ELMO1: variants seen among roughly 807,000 people sequenced by gnomAD.
ELMO1 encodes engulfment and cell motility protein 1.
A neutral mutation model predicts 98.9 loss-of-function variants in ELMO1; 26 were observed. The observed-to-expected ratio is 0.26, with a 90% CI of 0.19 to 0.36. ELMO1 has a LOEUF of 0.36. Among genes scored for constraint, ELMO1 ranks in the 10% least tolerant of loss-of-function variants. The probability of loss-of-function intolerance (pLI) is 1.00; values close to 1 mark genes in which losing one functional copy is unlikely to be tolerated. For synonymous variants in ELMO1, 346 were observed against 346.0 expected (o/e 1.00, Z 0.00); for missense variants, 627 against 935.2 (o/e 0.67, Z 4.30).
At chr7:37,369,953 C>A (rs1802051851) in intron 1 of ELMO1, among the ~76,000 whole-genome samples, 1 of 152,104 alleles carries the variant, frequency 6.6e-6, no homozygotes, top group South Asian at 2.1e-4. Context: ...CTGGCTCTCT[C>A]TTTAAGTTCC....
At chr7:36,868,931 C>T (rs1803277159) in intron 20 of ELMO1, among the ~76,000 whole-genome samples, 1 of 152,110 alleles carries the variant, frequency 6.6e-6, no homozygotes, top group African/African-American at 2.4e-5. Flanking sequence ...TGAGCAGAGC[C>T]CGTGCTCTCC....
intron 15 of ELMO1, among the ~76,000 whole-genome samples, chr7:37,068,773 G>A (rs1251593743): frequency 1.3e-5 from 2 of 152,238 alleles, no homozygotes; most frequent in East Asian, 3.9e-4. Flanking sequence ...CAGCTTGAGG[G>A]ATTCCTACAG....
chr7:36,953,694 T>C (rs1029018603), intron 16 of ELMO1, among the ~76,000 whole-genome samples: 6 of 152,222 alleles, frequency 3.9e-5, no homozygotes, highest in African/African-American at 1.2e-4. Flanking sequence ...TCCCCTACTG[T>C]TGAACATGTA....
At chr7:37,188,446 ACACAC>A (rs1791354317) in intron 13 of ELMO1, among the ~76,000 whole-genome samples, 1 of 32,264 alleles carries the variant, frequency 3.1e-5, no homozygotes, top group Non-Finnish European at 4.9e-5. Context: ...ACACACACAC[ACACAC>A]GCAAACACAC....
At chr7:37,396,879 T>C (rs1803321865) in intron 1 of ELMO1, among the ~76,000 whole-genome samples, 1 of 152,242 alleles carries the variant, frequency 6.6e-6, no homozygotes, top group Non-Finnish European at 1.5e-5. Context: ...GAAATTACTA[T>C]ACATGAAATT....
intron 4 of ELMO1, among the ~76,000 whole-genome samples, chr7:37,309,681 G>A (rs907968646): frequency 6.6e-6 from 1 of 152,192 alleles, no homozygotes; most frequent in African/African-American, 2.4e-5. Flanking sequence ...CTTTGATTGA[G>A]GGTAACAAAG....
intron 16 of ELMO1, chr7:36,986,249 A>C (rs1791498139): frequency 1.0e-6 from 1 of 985,176 alleles, no homozygotes. Context: ...TTTCAGGGAA[A>C]CTCCTGCTCA....
At chr7:37,439,522 C>A (rs1805305455) in intron 1 of ELMO1, among the ~76,000 whole-genome samples, 1 of 152,164 alleles carries the variant, frequency 6.6e-6, no homozygotes, top group African/African-American at 2.4e-5. Flanking sequence ...AGTGCCCAGG[C>A]TACAGCATAC....
intron 16 of ELMO1, among the ~76,000 whole-genome samples, chr7:36,937,571 G>A (rs1437415818): frequency 6.6e-6 from 1 of 152,132 alleles, no homozygotes; most frequent in Non-Finnish European, 1.5e-5. Context: ...GCAGCCCTAA[G>A]CAATGAACAC....
intron 14 of ELMO1, among the ~76,000 whole-genome samples, chr7:37,131,602 TA>T (rs2129298235): frequency 6.6e-6 from 1 of 152,362 alleles, no homozygotes; most frequent in South Asian, 2.1e-4. Context: ...TCCAAGGCTA[TA>T]CTACATGGTA....
At position 37,314,846 on chromosome 7, in the gene ELMO1, C is replaced by T. The variant is rs773926829; in HGVS notation, c.192+4G>A. Reference sequence around the variant, plus strand: ...TCCCATATTAAATAATGTAGTTGACCTACCTTTTCTGTGATATAGAAGTTT... The same window carrying T: ...TCCCATATTAAATAATGTAGTTGACTTACCTTTTCTGTGATATAGAAGTTT... On this transcript the variant is annotated splice_donor_region_variant and intron_variant, in intron 4 of 21. Coordinates refer to ENST00000310758, the MANE Select transcript of ELMO1 (RefSeq NM_014800.11). 2.5e-6 allele frequency: 4 copies of T among 1,611,974 alleles called. No individual in the cohort carries two copies. The Admixed American group carries it at 5.0e-5, about 20-fold the overall frequency.
chr7:37,382,491 A>T (rs1396286406), intron 1 of ELMO1, among the ~76,000 whole-genome samples: 1 of 152,176 alleles, frequency 6.6e-6, no homozygotes, highest in Non-Finnish European at 1.5e-5. Context: ...GAAACAGGAC[A>T]TGCTCTTGGC....
chr7:37,407,038 GA>G (rs368743651), intron 1 of ELMO1, among the ~76,000 whole-genome samples: 32 of 152,202 alleles, frequency 2.1e-4, no homozygotes, highest in African/African-American at 7.2e-4. Flanking sequence ...TAATAGCGTT[GA>G]AAAAACTTAC....
intron 16 of ELMO1, among the ~76,000 whole-genome samples, chr7:37,009,469 T>C (rs1052794455): frequency 6.6e-5 from 10 of 152,210 alleles, no homozygotes; most frequent in Non-Finnish European, 1.5e-4. Flanking sequence ...GACAGCTGCT[T>C]TTCCAAACAC....
At chr7:37,117,573 A>G (rs563714870) in intron 14 of ELMO1, among the ~76,000 whole-genome samples, 4 of 152,298 alleles carry the variant, frequency 2.6e-5, no homozygotes, top group African/African-American at 4.8e-5. Flanking sequence ...TTCCAGCTCA[A>G]TTAGTAAATC....
chr7:37,030,412 C>A (rs1794815236), intron 15 of ELMO1, among the ~76,000 whole-genome samples: 2 of 150,716 alleles, frequency 1.3e-5, no homozygotes, highest in Admixed American at 1.3e-4. Flanking sequence ...TAAACACTTG[C>A]CAATTCTCTA....
At chr7:37,313,288 G>A (rs1379480581) in intron 4 of ELMO1, among the ~76,000 whole-genome samples, 6 of 152,188 alleles carry the variant, frequency 3.9e-5, no homozygotes, top group East Asian at 1.9e-4. Flanking sequence ...GCAGTGGCAC[G>A]ATCTCTGCTC....
chr7:37,163,095 G>T (rs530504219), intron 13 of ELMO1, among the ~76,000 whole-genome samples: 14 of 152,214 alleles, frequency 9.2e-5, no homozygotes, highest in African/African-American at 3.1e-4. Flanking sequence ...ACATTTCAAA[G>T]AAAGGAGAAT....
rs2392493 is a variant in ELMO1 at position 37,325,867 on chromosome 7, T to C, written c.79-9907A>G. Among the ~76,000 whole-genome samples, 1,198 of 152,320 alleles carry C rather than the reference T, an allele frequency of 7.9e-3. 10 individuals carry two copies. The highest frequency in any genetic ancestry group is 0.027 in the African/African-American group (1,107 of 41,570). The stretch of plus-strand genomic sequence containing the variant: ...TGTACAATGTGACTTGAAGGAACTT[T>C]AATGTACAATAAGCCATCTAGCTCC... On this transcript the variant is annotated intron_variant, in intron 2 of 21. Transcript: ENST00000310758.
Sources: allele counts gnomAD v4.1 joint callset (sites outside exome capture counted in the v4.1 genomes callset), GRCh38; gene constraint gnomAD v4.1.1; transcripts MANE v1.5; gene names NCBI Gene and HGNC (gene_info 2026-07-23, HGNC 2026-07-21).